The following IGFL2 variants were observed in gnomAD, a reference collection of about 807,000 sequenced individuals.
IGFL2 encodes IGF like family member 2.
Under a neutral mutation model 13.9 loss-of-function variants are expected in IGFL2, and 7 were observed. That is an observed-to-expected ratio of 0.51 (90% CI 0.29 to 0.95). The LOEUF is 0.95. Ranked by LOEUF, IGFL2 falls within the 40% of genes least tolerant of loss-of-function variation. IGFL2 has a pLI of 0.08. For missense variants in IGFL2, 138 were observed against 147.8 expected (o/e 0.93, Z 0.34); for synonymous variants, 55 against 55.8 (o/e 0.99, Z 0.07).
At chr19:46,108,053 T>TGA in the IGFL2 span, among the ~76,000 whole-genome samples, 1 of 151,412 alleles carries the variant, frequency 6.6e-6, no homozygotes, top group South Asian at 2.1e-4. Flanking sequence ...AGACCAGGTG[T>TGA]GAGGAGGGGA....
the IGFL2 span, among the ~76,000 whole-genome samples, chr19:46,180,063 T>C: frequency 5.2e-4 from 79 of 152,332 alleles, no homozygotes; most frequent in East Asian, 0.015. Flanking sequence ...TATTCATATA[T>C]GAGAAACAGG....
At chr19:46,165,120 T>G (rs561694549), downstream of IGFL2, among the ~76,000 whole-genome samples, 5 of 152,164 alleles carry the variant, frequency 3.3e-5, no homozygotes, top group Non-Finnish European at 7.4e-5. Flanking sequence ...CAAAGGAGGA[T>G]GATGCCTTTG....
chr19:46,192,306 A>G, the IGFL2 span, among the ~76,000 whole-genome samples: 2 of 152,254 alleles, frequency 1.3e-5, no homozygotes, highest in African/African-American at 2.4e-5. Context: ...AGATGAATCA[A>G]TAATTGTAAA....
chr19:46,104,773 C>T, the IGFL2 span, among the ~76,000 whole-genome samples: 36 of 152,152 alleles, frequency 2.4e-4, no homozygotes, highest in East Asian at 6.0e-3. Flanking sequence ...TAGATTTCCA[C>T]GATGGAAAGG....
chr19:46,202,225 T>TC, the IGFL2 span, among the ~76,000 whole-genome samples: 1 of 152,166 alleles, frequency 6.6e-6, no homozygotes, highest in Non-Finnish European at 1.5e-5. Flanking sequence ...TGCCTGGACA[T>TC]CAGGCACCTC....
At chr19:46,108,312 T>C in the IGFL2 span, among the ~76,000 whole-genome samples, 1 of 152,124 alleles carries the variant, frequency 6.6e-6, no homozygotes, top group Non-Finnish European at 1.5e-5. Context: ...TGCCTGGACA[T>C]CAGGCATCTC....
chr19:46,110,097 T>C, the IGFL2 span, among the ~76,000 whole-genome samples: 1 of 152,164 alleles, frequency 6.6e-6, no homozygotes, highest in African/African-American at 2.4e-5. Context: ...TTGGACAAGA[T>C]TCCTTTGAGC....
chr19:46,183,565 T>G, the IGFL2 span, among the ~76,000 whole-genome samples: 1 of 150,208 alleles, frequency 6.7e-6, no homozygotes, highest in Non-Finnish European at 1.5e-5. Context: ...AGATGGAGTC[T>G]CACTCTGTCA....
chr19:46,107,711 G>T, the IGFL2 span, among the ~76,000 whole-genome samples: 1 of 152,168 alleles, frequency 6.6e-6, no homozygotes, highest in South Asian at 2.1e-4. Context: ...AAGTTCTTTT[G>T]TGGGGTTTGA....
At chr19:46,169,201 A>G in the IGFL2 span, among the ~76,000 whole-genome samples, 2 of 152,166 alleles carry the variant, frequency 1.3e-5, no homozygotes, top group East Asian at 1.9e-4. Context: ...GCATGACTCT[A>G]TCTCTAAAAA....
At chr19:46,125,381 A>ATGTAGTACTTAGGAGTG in the IGFL2 span, among the ~76,000 whole-genome samples, 1 of 152,194 alleles carries the variant, frequency 6.6e-6, no homozygotes, top group Non-Finnish European at 1.5e-5. Flanking sequence ...ATGATAAGTG[A>ATGTAGTACTTAGGAGTG]TGTAGTACTT....
the IGFL2 span, chr19:46,112,128 T>A: frequency 6.6e-6 from 1 of 152,254 alleles, no homozygotes; most frequent in Non-Finnish European, 1.5e-5. Context: ...CATCTGTGTG[T>A]CAGAAGCTCC....
the IGFL2 span, among the ~76,000 whole-genome samples, chr19:46,193,251 G>A: frequency 4.6e-5 from 7 of 152,164 alleles, no homozygotes; most frequent in East Asian, 9.7e-4. Flanking sequence ...TTAAAGTTGC[G>A]TGTCACACTG....
chr19:46,118,540 C>T, the IGFL2 span, among the ~76,000 whole-genome samples: 1 of 152,188 alleles, frequency 6.6e-6, no homozygotes, highest in Admixed American at 6.5e-5. Context: ...GGGCCTCCGG[C>T]CTGACATATG....
chr19:46,150,572 A>T (rs140851887), intron 1 of IGFL2, among the ~76,000 whole-genome samples: 118 of 152,336 alleles, frequency 7.7e-4, no homozygotes, highest in African/African-American at 2.5e-3. Flanking sequence ...TTAAATGATA[A>T]ATCAAATTAA....
At chr19:46,112,033 A>G in the IGFL2 span, 2 of 152,212 alleles carry the variant, frequency 1.3e-5, no homozygotes, top group Non-Finnish European at 2.9e-5. Flanking sequence ...AGTCCTGCAG[A>G]ATAGACTCTA....
At chr19:46,112,352 A>G in the IGFL2 span, among the ~76,000 whole-genome samples, 2 of 152,168 alleles carry the variant, frequency 1.3e-5, no homozygotes, top group Non-Finnish European at 2.9e-5. Context: ...CCCCCACCCC[A>G]TGTCAGAAAT....
chr19:46,093,813 A>G, the IGFL2 span, among the ~76,000 whole-genome samples: 2 of 152,196 alleles, frequency 1.3e-5, no homozygotes, highest in African/African-American at 4.8e-5. Flanking sequence ...TCAAATTTGA[A>G]ATTAAAAGCA....
At chr19:46,146,435 C>T (rs568945043), upstream of IGFL2, among the ~76,000 whole-genome samples, 33 of 152,196 alleles carry the variant, frequency 2.2e-4, no homozygotes, top group African/African-American at 6.7e-4. Flanking sequence ...GTTGGCCATT[C>T]TAGTTTCCAT....
Sources: allele counts gnomAD v4.1 joint callset (sites outside exome capture counted in the v4.1 genomes callset), GRCh38; gene constraint gnomAD v4.1.1; transcripts MANE v1.5; gene names NCBI Gene and HGNC (gene_info 2026-07-23, HGNC 2026-07-21).